Variants in CEP78 observed in about 807,000 individuals in gnomAD.
CEP78 encodes centrosomal protein of 78 kDa.
A neutral mutation model predicts 81.2 loss-of-function variants in CEP78; 76 were observed. That is an observed-to-expected ratio of 0.94 (90% confidence interval 0.78 to 1.13). CEP78 has a LOEUF of 1.13. Ranked by LOEUF, CEP78 falls within the 50% of genes most tolerant of loss-of-function variation. The pLI, the probability that CEP78 is intolerant of heterozygous loss-of-function variation, is 0.00. For synonymous variants in CEP78, 293 were observed against 301.4 expected (o/e 0.97, Z 0.29); for missense variants, 918 against 846.8 (o/e 1.08, Z -1.04).
chr9:78,259,060 C>G (rs1168126977), intron 11 of CEP78, among the ~76,000 whole-genome samples: 3 of 152,126 alleles, frequency 2.0e-5, no homozygotes, highest in Non-Finnish European at 2.9e-5. Context: ...TTGTAATAGT[C>G]CAACCTGAAA....
At chr9:78,237,376 ACT>A (rs1206556658) in intron 1 of CEP78, among the ~76,000 whole-genome samples, 3 of 151,930 alleles carry the variant, frequency 2.0e-5, no homozygotes, top group Non-Finnish European at 4.4e-5. Context: ...AGGGATCCAG[ACT>A]CTCTGATTAT....
At chr9:78,236,642 G>T in intron 1 of CEP78, 39 bp downstream of exon 1, 1 of 1,513,144 alleles carries the variant, frequency 6.6e-7, no homozygotes, top group Non-Finnish European at 8.8e-7. Flanking sequence ...CAGTCGGTGC[G>T]GCGAAGTGGG....
chr9:78,245,289 C>G (rs115704366), intron 5 of CEP78, among the ~76,000 whole-genome samples: 1 of 152,050 alleles, frequency 6.6e-6, no homozygotes, highest in Admixed American at 6.6e-5. Flanking sequence ...TTCTGGAGTC[C>G]GAGAAGCCCA....
At chr9:78,248,552 T>C (rs1324482914) in intron 7 of CEP78, among the ~76,000 whole-genome samples, 197 bp downstream of exon 7, 1 of 152,250 alleles carries the variant, frequency 6.6e-6, no homozygotes, top group East Asian at 1.9e-4. Flanking sequence ...AATGAAACTA[T>C]TAAGGCACTT....
chr9:78,239,935 T>C, intron 1 of CEP78, 88 bp from the exon 2 acceptor site: 1 of 1,147,328 alleles, frequency 8.7e-7, no homozygotes, highest in South Asian at 1.6e-5. Context: ...AGGACATGGC[T>C]CATTTCTATG....
At chr9:78,257,315 A>G (rs1827083086) in intron 11 of CEP78, among the ~76,000 whole-genome samples, 1 of 152,192 alleles carries the variant, frequency 6.6e-6, no homozygotes, top group South Asian at 2.1e-4. Context: ...TTTTAAAATA[A>G]TTGACAACCT....
intron 13 of CEP78, among the ~76,000 whole-genome samples, chr9:78,264,957 A>C (rs1306248745): frequency 1.3e-5 from 2 of 152,202 alleles, no homozygotes; most frequent in Non-Finnish European, 2.9e-5. Flanking sequence ...TATGTTTTGT[A>C]GGTGAACGGT....
Position 78,243,454 on chromosome 9 carries a change from C to A in CEP78, c.604-8C>A, listed in dbSNP as rs775073931. 9.3e-6 allele frequency: 15 copies of A among 1,607,692 alleles called. No homozygotes were observed. Among genetic ancestry groups the A allele is most frequent in the South Asian group, 2.2e-5 (2 of 90,016 alleles). ...GTGTATTAATTTCATCTTATTAAAT[C>A]TTTGAAGTATCAGACCATGAGAAGG... On this transcript the variant is annotated splice_region_variant and splice_polypyrimidine_tract_variant and intron_variant, in intron 4 of 16. Coordinates refer to ENST00000643273, the MANE Select transcript of CEP78 (RefSeq NM_001330691.3).
chr9:78,266,504 T>G lies in CEP78; in HGVS notation c.1908T>G (p.Val636=), dbSNP rs1452805019. The G allele has an allele frequency of 2.5e-6, 4 of 1,613,492 alleles. No individual in the cohort carries two copies. The African/African-American group carries it at 4.0e-5, about 16-fold the overall frequency. ...PLPLDSFPVP[V]STPEGLGTSS... Reference sequence around the variant, plus strand: ...CTCTCGACTCCTTTCCTGTCCCAGTTTCTACTCCAGAGGGCTTAGGAACTT... The same window carrying G: ...CTCTCGACTCCTTTCCTGTCCCAGTGTCTACTCCAGAGGGCTTAGGAACTT... Residue 636 remains valine, a synonymous_variant, in exon 16 of 17, where the codon GTT becomes GTG. Coordinates refer to ENST00000643273, the MANE Select transcript of CEP78 (RefSeq NM_001330691.3).
chr9:78,259,589 G>A (rs577004153), intron 11 of CEP78, among the ~76,000 whole-genome samples: 9 of 152,258 alleles, frequency 5.9e-5, no homozygotes, highest in Non-Finnish European at 7.4e-5. Flanking sequence ...AATTCTGTTC[G>A]TATGTTTATT....
intron 3 of CEP78, 107 bp downstream of exon 3, chr9:78,240,471 T>C (rs377467857): frequency 1.3e-5 from 12 of 930,390 alleles, no homozygotes; most frequent in African/African-American, 6.6e-5. Context: ...CTGCCTCATA[T>C]GCTTGTTCAA....
Position 78,264,260 on chromosome 9 carries a change from CA to C in CEP78, c.1570del (p.Ile524LeufsTer29). The C allele has an allele frequency of 6.2e-7, 1 of 1,612,710 alleles. No homozygotes were observed. The highest frequency in any genetic ancestry group is 8.5e-7 in the Non-Finnish European group (1 of 1,179,260). ...ILDDEGVLGS[I>X]ENSFQKFHAF... ...TGGATGATGAAGGTGTTTTGGGCAG[CA>C]TTGAGAATTCTTTTCAGAAGTTTCA... On this transcript the variant is annotated frameshift_variant, in exon 13 of 17. Transcript: ENST00000643273. LOFTEE classifies it high-confidence loss of function.
In CEP78 at chr9:78,241,796, A is replaced by G. The variant is rs1826245523; in HGVS notation, c.600A>G (p.Leu200=). The change falls in exon 4 of 17, where the codon TTA becomes TTG. Residue 200 remains leucine (L), a synonymous_variant. Transcript: ENST00000643273. ...GAGCAGATCACATGGCCAAGATCTT[A>G]AAGGTAACTTTATGTTCCAACTTTC... ...WQGADHMAKI[L]KYQTMRRHEE... 2 of 1,553,272 alleles carry G rather than the reference A, an allele frequency of 1.3e-6. No homozygotes were observed.
At chr9:78,258,799 A>C (rs2118395350) in intron 11 of CEP78, among the ~76,000 whole-genome samples, 1 of 152,352 alleles carries the variant, frequency 6.6e-6, no homozygotes, top group South Asian at 2.1e-4. Context: ...AACTGAAATC[A>C]GTATGAGATG....
chr9:78,272,353 CTGATAAAGATAT>C lies in CEP78; in HGVS notation c.*1515_*1526del, dbSNP rs1195409214. 1 of 152,200 alleles carries C rather than the reference CTGATAAAGATAT, an allele frequency of 6.6e-6. No individual in the cohort carries two copies. Among genetic ancestry groups the C allele is most frequent in the Non-Finnish European group, 1.5e-5 (1 of 68,040 alleles). The allele number at this position is 152,200 out of a possible 1,614,324, so 9.4% of individuals were successfully genotyped here. A position where few individuals can be genotyped will look rare whatever the true frequency, so the allele number is the denominator to read the frequency against. ...ATGAAAGATGTTTAGATCAAATAAACTGATAAAGATATTGATAAAGATATGAGACAAACTACT... is the reference window on the plus strand; with the variant it reads ...ATGAAAGATGTTTAGATCAAATAAACTGATAAAGATATGAGACAAACTACT... On this transcript the variant is annotated 3_prime_UTR_variant, in exon 17 of 17. Coordinates refer to ENST00000643273, the MANE Select transcript of CEP78 (RefSeq NM_001330691.3).
At chr9:78,248,193 A>G (rs549691265) in intron 6 of CEP78, 98 bp from the exon 7 acceptor site, 12 of 698,868 alleles carry the variant, frequency 1.7e-5, no homozygotes, top group Admixed American at 2.5e-5. Context: ...ATTCAATTTC[A>G]TGGGAAAAAG....
rs557605189 is a variant in CEP78, at chr9:78,278,242, G to A, written c.*7391G>A. 5.9e-5 allele frequency: 9 copies of A among 152,022 alleles called. No homozygotes were observed. Among genetic ancestry groups the A allele is most frequent in the Admixed American group, 1.3e-4 (2 of 15,274 alleles). 9.4% of individuals were successfully genotyped at this position (152,022 alleles called of 1,614,324 possible). A position where few individuals can be genotyped will look rare whatever the true frequency, so the allele number is the denominator to read the frequency against. On this transcript the variant is annotated 3_prime_UTR_variant, in exon 17 of 17. Coordinates refer to ENST00000643273, the MANE Select transcript of CEP78 (RefSeq NM_001330691.3). ...AAATGTGTACTCTGTTATCCTTTACGCTCTGTCCATTTTTTTCTTCAAAAA... is the reference window on the plus strand; with the variant it reads ...AAATGTGTACTCTGTTATCCTTTACACTCTGTCCATTTTTTTCTTCAAAAA...
At position 78,254,979 on chromosome 9, in the gene CEP78, C is replaced by CT. The variant is rs746681335; in HGVS notation, c.1380+18dup. ...AAGCATTACAGGTACAAAGCTATCA[C>CT]TTTAAAGATATGGAGAAGATCATTT... On this transcript the variant is annotated intron_variant, in intron 11 of 16. Coordinates refer to ENST00000643273, the MANE Select transcript of CEP78 (RefSeq NM_001330691.3). 5.6e-5 allele frequency: 89 copies of CT among 1,597,850 alleles called. 1 individual carries two copies. The highest frequency in any genetic ancestry group is 1.7e-4 in the Middle Eastern group (1 of 5,968).
chr9:78,238,116 ACT>A (rs1826047799), intron 1 of CEP78, among the ~76,000 whole-genome samples: 1 of 150,582 alleles, frequency 6.6e-6, no homozygotes, highest in Non-Finnish European at 1.5e-5. Flanking sequence ...CAAGAGCAAA[ACT>A]CTGTCTCAAA....
Sources: allele counts gnomAD v4.1 joint callset (sites outside exome capture counted in the v4.1 genomes callset), GRCh38; gene constraint gnomAD v4.1.1; transcripts MANE v1.5; gene names NCBI Gene and HGNC (gene_info 2026-07-23, HGNC 2026-07-21).